Variants in TENM2 observed in about 807,000 individuals in gnomAD.
TENM2 encodes teneurin-2.
Under a neutral mutation model 245.2 loss-of-function variants are expected in TENM2, and 52 were observed. The observed-to-expected ratio is 0.21, with a 90% CI of 0.17 to 0.27. The LOEUF (loss-of-function observed/expected upper bound fraction) is 0.27, where lower values mean the gene tolerates loss of function less well. TENM2 is among the 10% of genes least tolerant of loss of function. TENM2 has a pLI of 1.00. For missense variants in TENM2, 3,046 were observed against 3,666.8 expected, an observed-to-expected ratio of 0.83 and a Z score of 4.37; for synonymous variants, 1,363 against 1,438.9, an observed-to-expected ratio of 0.95 and a Z score of 1.19.
chr5:167,201,936 A>T, the TENM2 span, among the ~76,000 whole-genome samples: 1 of 152,130 alleles, frequency 6.6e-6, no homozygotes, highest in East Asian at 1.9e-4. Context: ...GCTACTGTGT[A>T]GTATTTTTCT....
At chr5:167,334,817 G>C (rs538819000) in intron 1 of TENM2, among the ~76,000 whole-genome samples, 1 of 152,140 alleles carries the variant, frequency 6.6e-6, no homozygotes, top group East Asian at 1.9e-4. Context: ...TTTTGCAATC[G>C]TCACTCAAGC....
intron 2 of TENM2, among the ~76,000 whole-genome samples, chr5:167,748,993 C>G (rs936032934): frequency 2.0e-5 from 3 of 152,114 alleles, no homozygotes; most frequent in Admixed American, 2.0e-4. Flanking sequence ...GCCATTCTCT[C>G]CCCTCAGCCT....
At chr5:168,085,247 G>A (rs1443290451) in intron 7 of TENM2, 2 of 152,200 alleles carry the variant, frequency 1.3e-5, no homozygotes, top group Non-Finnish European at 2.9e-5. Context: ...TACTTTTGCT[G>A]CTGCTGCAAG....
At chr5:168,158,743 T>A (rs1287638048) in intron 12 of TENM2, among the ~76,000 whole-genome samples, 2 of 146,884 alleles carry the variant, frequency 1.4e-5, no homozygotes, top group Non-Finnish European at 3.0e-5. Context: ...GCGGATCACT[T>A]GAGGTCAGGA....
At chr5:167,280,887 C>T (rs1771019401), upstream of TENM2, among the ~76,000 whole-genome samples, 1 of 151,798 alleles carries the variant, frequency 6.6e-6, no homozygotes, top group African/African-American at 2.4e-5. Context: ...TCCTTGGGTC[C>T]TGAGGCCCCT....
chr5:167,105,679 G>A, the TENM2 span, among the ~76,000 whole-genome samples: 1 of 151,282 alleles, frequency 6.6e-6, no homozygotes, highest in Non-Finnish European at 1.5e-5. Context: ...ACGAGGTCAG[G>A]AGATCGAGAC....
At chr5:167,061,092 AC>A in the TENM2 span, among the ~76,000 whole-genome samples, 4 of 268 alleles carry the variant, frequency 0.015, no homozygotes, top group South Asian at 0.25. Flanking sequence ...TCTCTCCAAA[AC>A]ACACACACAC....
the TENM2 span, among the ~76,000 whole-genome samples, chr5:167,176,245 T>G: frequency 3.7e-4 from 57 of 152,348 alleles, no homozygotes; most frequent in African/African-American, 1.3e-3. Context: ...ATGCGTCTTT[T>G]GTGTGTGTCC....
intron 5 of TENM2, among the ~76,000 whole-genome samples, chr5:168,001,686 CT>C (rs1236971764): frequency 6.6e-6 from 1 of 152,184 alleles, no homozygotes; most frequent in Non-Finnish European, 1.5e-5. Context: ...TAAAACCAGA[CT>C]TTTTTGTGTC....
At chr5:167,609,420 CTT>C (rs939866952) in intron 2 of TENM2, among the ~76,000 whole-genome samples, 13 of 139,896 alleles carry the variant, frequency 9.3e-5, no homozygotes, top group African/African-American at 3.5e-4. Flanking sequence ...CCATTCTTCT[CTT>C]CTCCTTAAGT....
intron 13 of TENM2, among the ~76,000 whole-genome samples, chr5:168,184,559 T>G (rs1183365523): frequency 6.6e-6 from 1 of 152,208 alleles, no homozygotes; most frequent in African/African-American, 2.4e-5. Flanking sequence ...AAATTCTCTA[T>G]AAGCTGCCCA....
chr5:167,383,791 A>C (rs1460934584), intron 2 of TENM2, among the ~76,000 whole-genome samples: 2 of 151,920 alleles, frequency 1.3e-5, no homozygotes, highest in Non-Finnish European at 2.9e-5. Context: ...TGTTCTTTAA[A>C]ATTTTAACTT....
chr5:167,180,516 T>C, the TENM2 span, among the ~76,000 whole-genome samples: 1 of 152,100 alleles, frequency 6.6e-6, no homozygotes, highest in Non-Finnish European at 1.5e-5. Flanking sequence ...AAGGCGGGAG[T>C]TGCCCATTGA....
chr5:167,234,198 T>A, the TENM2 span, among the ~76,000 whole-genome samples: 1 of 152,222 alleles, frequency 6.6e-6, no homozygotes, highest in African/African-American at 2.4e-5. Context: ...ATTTATTCAG[T>A]AATGAGCCCT....
At chr5:167,080,047 A>G in the TENM2 span, among the ~76,000 whole-genome samples, 2 of 152,196 alleles carry the variant, frequency 1.3e-5, no homozygotes, top group African/African-American at 4.8e-5. Flanking sequence ...GTCCTGCATG[A>G]TCCAAGGTTA....
rs755119943 is a variant in TENM2 at position 167,823,182 on chromosome 5, A to G, written c.503-52804A>G. 4.1e-4 allele frequency among the ~76,000 whole-genome samples: 62 copies of G among 152,160 alleles called. 2 individuals are homozygous for G. Among genetic ancestry groups the G allele is most frequent in the Admixed American group, 1.8e-3 (27 of 15,282 alleles). On this transcript the variant is annotated intron_variant, in intron 2 of 28. Transcript: ENST00000518659. ...AAATTTCCCTTTTTTTTGTATTTCA[A>G]AGTGCTGAAATAGAGATATGCCCTA...
At chr5:168,121,743 C>T (rs888041541) in intron 10 of TENM2, among the ~76,000 whole-genome samples, 4 of 151,508 alleles carry the variant, frequency 2.6e-5, no homozygotes, top group African/African-American at 9.7e-5. Flanking sequence ...AAGCTCCTAG[C>T]TGCTGGCACC....
chr5:167,909,664 AACAG>A (rs1243854652), intron 3 of TENM2, among the ~76,000 whole-genome samples: 1 of 152,232 alleles, frequency 6.6e-6, no homozygotes, highest in Non-Finnish European at 1.5e-5. Context: ...TTTAAGTAAA[AACAG>A]ACAAAGAGTT....
At chr5:167,653,629 G>A (rs986968598) in intron 2 of TENM2, 4 of 151,966 alleles carry the variant, frequency 2.6e-5, no homozygotes, top group African/African-American at 9.7e-5. Flanking sequence ...CATCCCCAGT[G>A]TCTACTTTCC....
Sources: gnomAD v4.1 joint callset for allele counts (sites outside exome capture counted in the v4.1 genomes callset) on GRCh38, gnomAD v4.1.1 for gene constraint, MANE v1.5 for transcripts, NCBI Gene and HGNC (gene_info 2026-07-23, HGNC 2026-07-21) for gene names.